The following TXNRD2 variants were observed in gnomAD, a reference collection of about 807,000 sequenced individuals.
TXNRD2 encodes the protein thioredoxin reductase 2, also known as thioredoxin reductase 2, mitochondrial.
In TXNRD2, 67 loss-of-function variants were observed where a neutral mutation model predicts 70.8. The observed-to-expected ratio is 0.95, with a 90% CI of 0.78 to 1.16. The LOEUF is 1.16. Ranked by LOEUF, TXNRD2 falls within the 50% of genes most tolerant of loss-of-function variation. The pLI is 0.00. For synonymous variants in TXNRD2, 301 were observed against 295.8 expected (o/e 1.02, Z -0.18); for missense variants, 644 against 719.9 (o/e 0.89, Z 1.21).
chr22:19,932,019 G>A (rs922081391), intron 1 of TXNRD2, among the ~76,000 whole-genome samples: 2 of 151,800 alleles, frequency 1.3e-5, no homozygotes, highest in Non-Finnish European at 1.5e-5. Context: ...AAATTAGCCG[G>A]GCATGGTGGT....
At chr22:19,934,566 C>CT (rs199827549) in intron 1 of TXNRD2, among the ~76,000 whole-genome samples, 4,588 of 141,836 alleles carry the variant, frequency 0.032, 219 homozygotes, top group African/African-American at 0.11. Context: ...ATACTTTTTT[C>CT]TTTTTTTTTT....
intron 1 of TXNRD2, among the ~76,000 whole-genome samples, chr22:19,939,508 T>C (rs1483532695): frequency 6.6e-6 from 1 of 152,230 alleles, no homozygotes; most frequent in African/African-American, 2.4e-5. Context: ...ATTATTCTTA[T>C]TGGGCTTATG....
chr22:19,920,833 C>T (rs11089320), intron 2 of TXNRD2, among the ~76,000 whole-genome samples: 31,602 of 152,008 alleles, frequency 0.21, 3,873 homozygotes, highest in African/African-American at 0.33. Context: ...CTGGGTGCAG[C>T]GGCTCATGCC....
At chr22:19,899,194 TCAAA>T in intron 8 of TXNRD2, 126 bp from the exon 9 acceptor site, 2 of 1,230,398 alleles carry the variant, frequency 1.6e-6, no homozygotes, top group Non-Finnish European at 2.3e-6. Context: ...AGGTTACTGT[TCAAA>T]CAGCTTGCCC....
intron 12 of TXNRD2, 42 bp from the exon 13 acceptor site, chr22:19,880,759 G>A: frequency 1.4e-6 from 2 of 1,453,778 alleles, no homozygotes; most frequent in Middle Eastern, 1.8e-4. Context: ...ACCATGTCCG[G>A]GGTTATATGC....
chr22:19,909,254 G>GTTTT (rs1390545607), intron 8 of TXNRD2, among the ~76,000 whole-genome samples: 3 of 150,656 alleles, frequency 2.0e-5, no homozygotes, highest in African/African-American at 7.3e-5. Context: ...TACTATGTCT[G>GTTTT]TTTTATCACA....
intron 1 of TXNRD2, among the ~76,000 whole-genome samples, chr22:19,933,081 A>G (rs2036861333): frequency 6.6e-6 from 1 of 152,072 alleles, no homozygotes; most frequent in African/African-American, 2.4e-5. Flanking sequence ...CACTCAGGCC[A>G]TGGCCTGCAG....
At chr22:19,917,521 G>A (rs922076713) in intron 5 of TXNRD2, among the ~76,000 whole-genome samples, 3 of 152,188 alleles carry the variant, frequency 2.0e-5, no homozygotes, top group African/African-American at 4.8e-5. Context: ...CGGGACCACT[G>A]TCCCCTCCAC....
chr22:19,907,200 C>G (rs1419348439), intron 8 of TXNRD2, among the ~76,000 whole-genome samples: 10 of 89,264 alleles, frequency 1.1e-4, no homozygotes, highest in Non-Finnish European at 1.8e-4. Flanking sequence ...AGTGACCGCT[C>G]TCAGGAGAGT....
chr22:19,932,492 G>C, intron 1 of TXNRD2: 1 of 1,595,384 alleles, frequency 6.3e-7, no homozygotes, highest in Non-Finnish European at 8.5e-7. Flanking sequence ...GGGAGGGATG[G>C]AGAAGGGACT....
chr22:19,904,436 C>G (rs1261061451), intron 8 of TXNRD2, among the ~76,000 whole-genome samples: 1 of 152,246 alleles, frequency 6.6e-6, no homozygotes, highest in Non-Finnish European at 1.5e-5. Flanking sequence ...TCCCTAAGAC[C>G]TGGATGCAAA....
intron 11 of TXNRD2, among the ~76,000 whole-genome samples, chr22:19,885,233 C>T (rs1938971713): frequency 6.6e-6 from 1 of 152,236 alleles, no homozygotes; most frequent in Admixed American, 6.5e-5. Context: ...CTCTCGGCTC[C>T]CAGGGGCTCA....
chr22:19,903,221 G>C lies in TXNRD2; in HGVS notation c.663-4153C>G, dbSNP rs542900716. 3.6e-3 allele frequency among the ~76,000 whole-genome samples: 550 copies of C among 152,336 alleles called. 2 individuals are homozygous for C. The highest frequency in any genetic ancestry group is 6.3e-3 in the Non-Finnish European group (430 of 68,020). On this transcript the variant is annotated intron_variant, in intron 8 of 17. Coordinates refer to ENST00000400521, the MANE Select transcript of TXNRD2 (RefSeq NM_006440.5). ...TCTGTAAACCCCCACGGGGACCTGG[G>C]CAGGGGCTACAGAGCTGGCAGCAGG...
chr22:19,918,759 G>T, intron 4 of TXNRD2, 101 bp downstream of exon 4: 1 of 1,448,884 alleles, frequency 6.9e-7, no homozygotes, highest in Non-Finnish European at 9.6e-7. Context: ...CCCATCCTAC[G>T]GCCCACTCCC....
intron 2 of TXNRD2, among the ~76,000 whole-genome samples, chr22:19,928,243 A>T (rs568199879): frequency 2.6e-5 from 4 of 152,190 alleles, no homozygotes; most frequent in African/African-American, 4.8e-5. Flanking sequence ...AAATAATTTA[A>T]AACATATATC....
intron 8 of TXNRD2, among the ~76,000 whole-genome samples, chr22:19,909,575 C>CCATTCACACACACACCA (rs761210628): frequency 2.5e-5 from 3 of 121,574 alleles, no homozygotes; most frequent in Non-Finnish European, 5.1e-5. Flanking sequence ...CATACACACA[C>CCATTCACACACACACCA]CACACACACA....
intron 11 of TXNRD2, 28 bp downstream of exon 11, chr22:19,895,379 C>A: frequency 6.2e-7 from 1 of 1,613,676 alleles, no homozygotes; most frequent in Non-Finnish European, 8.5e-7. Context: ...AGACCAGAGA[C>A]AGAGCGTGTG....
intron 11 of TXNRD2, chr22:19,887,348 G>A (rs945442034): frequency 1.3e-5 from 2 of 152,376 alleles, no homozygotes; most frequent in Admixed American, 1.3e-4. Context: ...TTGTGCACAT[G>A]AAGCAGGAGG....
chr22:19,915,327 C>A, intron 6 of TXNRD2, 51 bp from the exon 7 acceptor site: 1 of 1,581,894 alleles, frequency 6.3e-7, no homozygotes, highest in Non-Finnish European at 8.6e-7. Flanking sequence ...TGGTGATCAC[C>A]CCACCGGAGG....
Sources: allele counts gnomAD v4.1 joint callset (sites outside exome capture counted in the v4.1 genomes callset), GRCh38; gene constraint gnomAD v4.1.1; transcripts MANE v1.5; gene names NCBI Gene and HGNC (gene_info 2026-07-23, HGNC 2026-07-21).